The following CCDC7 variants were observed in gnomAD, a reference collection of about 807,000 sequenced individuals.
CCDC7 encodes coiled-coil domain containing 7.
CCDC7 carries 183 observed loss-of-function variants against 196.9 expected under a neutral mutation model. The observed-to-expected ratio is 0.93, with a 90% CI of 0.82 to 1.05. The LOEUF (loss-of-function observed/expected upper bound fraction) is 1.05. Among genes scored for constraint, CCDC7 ranks in the 50% least tolerant of loss-of-function variants. The pLI, the probability that CCDC7 is intolerant of heterozygous loss-of-function variation, is 0.00. For missense variants in CCDC7, 1,540 were observed against 1,482.2 expected, an observed-to-expected ratio of 1.04 and a Z score of -0.64; for synonymous variants, 525 against 484.6, an observed-to-expected ratio of 1.08 and a Z score of -1.10.
At chr10:32,666,777 G>T (rs1036674849) in intron 21 of CCDC7, among the ~76,000 whole-genome samples, 8 of 151,968 alleles carry the variant, frequency 5.3e-5, no homozygotes, top group Admixed American at 4.6e-4. Flanking sequence ...GTCTATCATT[G>T]TTGGACATTT....
chr10:32,739,205 C>T (rs535376798), intron 28 of CCDC7, among the ~76,000 whole-genome samples: 1 of 151,986 alleles, frequency 6.6e-6, no homozygotes, highest in South Asian at 2.1e-4. Flanking sequence ...AATTCTTAGC[C>T]ATTATTATTT....
intron 28 of CCDC7, among the ~76,000 whole-genome samples, chr10:32,737,426 G>A (rs1006751983): frequency 6.6e-6 from 1 of 152,064 alleles, no homozygotes; most frequent in Non-Finnish European, 1.5e-5. Context: ...ATTTGTTAAG[G>A]TTTGTCTTAT....
intron 24 of CCDC7, 93 bp downstream of exon 25, chr10:32,695,085 A>G (rs2077541179): frequency 5.5e-6 from 3 of 544,760 alleles, no homozygotes; most frequent in Non-Finnish European, 9.0e-6. Flanking sequence ...TTGAGCATAT[A>G]GTTTATGGAA....
chr10:32,490,227 C>T lies in CCDC7; in HGVS notation c.797-1695C>T, dbSNP rs116598387. Among the ~76,000 whole-genome samples, 1,307 of 152,220 alleles carry T rather than the reference C, an allele frequency of 8.6e-3. 28 individuals carry two copies. Among genetic ancestry groups the T allele is most frequent in the African/African-American group, 0.029 (1,208 of 41,542 alleles). The stretch of plus-strand genomic sequence containing the variant: ...AACTTCTTTGAGACTTTGAGCCCTA[C>T]CAAGGCCACTTTCATCCATGGATAG... On this transcript the variant is annotated intron_variant, in intron 8 of 41. Coordinates refer to ENST00000639629, the Ensembl canonical transcript of CCDC7.
intron 28 of CCDC7, among the ~76,000 whole-genome samples, chr10:32,772,664 A>G (rs1052277341): frequency 5.9e-5 from 9 of 152,228 alleles, no homozygotes; most frequent in African/African-American, 2.2e-4. Context: ...TCAGTAAGGA[A>G]TGGCTGCCCT....
At chr10:32,474,264 C>G (rs1471689238) in intron 8 of CCDC7, among the ~76,000 whole-genome samples, 2 of 134,056 alleles carry the variant, frequency 1.5e-5, no homozygotes, top group African/African-American at 5.6e-5. Context: ...TGCTCTGTTG[C>G]CCAGGCTGGA....
intron 29 of CCDC7, among the ~76,000 whole-genome samples, chr10:32,801,172 G>A (rs972162527): frequency 3.3e-5 from 5 of 152,190 alleles, no homozygotes; most frequent in Non-Finnish European, 5.9e-5. Context: ...GGATGCAGGT[G>A]CTGCCCACAC....
At chr10:32,517,861 GAAAAA>G (rs536555434) in intron 9 of CCDC7, 79 bp from the exon 11 acceptor site, 1 of 1,441,262 alleles carries the variant, frequency 6.9e-7, no homozygotes, top group Non-Finnish European at 9.3e-7. Context: ...AATACCAAAA[GAAAAA>G]AAAAGAAAAT....
chr10:32,801,544 C>T (rs1313861129), intron 29 of CCDC7, among the ~76,000 whole-genome samples: 4 of 152,158 alleles, frequency 2.6e-5, no homozygotes, highest in African/African-American at 7.2e-5. Context: ...CATGCATGTG[C>T]TCCAGATTTC....
At chr10:32,748,764 G>C (rs1374271555) in intron 28 of CCDC7, among the ~76,000 whole-genome samples, 1 of 152,094 alleles carries the variant, frequency 6.6e-6, no homozygotes, top group Admixed American at 6.6e-5. Flanking sequence ...CTTCATGTAG[G>C]CTTGTTAGGC....
At chr10:32,696,478 T>C (rs2077743527) in intron 24 of CCDC7, among the ~76,000 whole-genome samples, 1 of 147,590 alleles carries the variant, frequency 6.8e-6, no homozygotes, top group Non-Finnish European at 1.5e-5. Context: ...AGTCTTGTTT[T>C]CTGTTTTTTT....
At chr10:32,874,894 G>GTAGGT (rs1446332691) in intron 41 of CCDC7, among the ~76,000 whole-genome samples, 6 of 151,640 alleles carry the variant, frequency 4.0e-5, no homozygotes, top group South Asian at 4.1e-4. Flanking sequence ...AGAATTTTAT[G>GTAGGT]TAGGTTTTCT....
intron 11 of CCDC7, among the ~76,000 whole-genome samples, chr10:32,539,965 T>C (rs1313145803): frequency 6.6e-6 from 1 of 152,208 alleles, no homozygotes; most frequent in African/African-American, 2.4e-5. Context: ...TATGTCGTGA[T>C]GAGAAGAATG....
chr10:32,814,503 T>C (rs751638316), intron 31 of CCDC7, 50 bp downstream of exon 32: 13 of 1,333,140 alleles, frequency 9.8e-6, no homozygotes, highest in Non-Finnish European at 1.3e-5. Context: ...GTTTATATTC[T>C]CTGGAGTGTA....
intron 24 of CCDC7, among the ~76,000 whole-genome samples, chr10:32,700,402 C>A (rs1250315221): frequency 7.0e-6 from 1 of 142,520 alleles, no homozygotes; most frequent in African/African-American, 3.1e-5. Flanking sequence ...CTATTGTGTT[C>A]CATTGGTCTA....
At chr10:32,636,483 G>A (rs945913491) in intron 20 of CCDC7, among the ~76,000 whole-genome samples, 1 of 152,064 alleles carries the variant, frequency 6.6e-6, no homozygotes, top group Non-Finnish European at 1.5e-5. Flanking sequence ...GCGGTGTTTG[G>A]TTTTTTGTCC....
chr10:32,601,424 A>T (rs1188177635), intron 18 of CCDC7, among the ~76,000 whole-genome samples: 1 of 152,062 alleles, frequency 6.6e-6, no homozygotes, highest in Non-Finnish European at 1.5e-5. Flanking sequence ...TAAACTTTTG[A>T]CTGTTCTGCA....
chr10:32,568,004 G>GGGTT, intron 15 of CCDC7, 113 bp downstream of exon 16: 4 of 986,178 alleles, frequency 4.1e-6, no homozygotes, highest in Middle Eastern at 3.7e-4. Flanking sequence ...CTCTGTTTTT[G>GGGTT]GGTTTTTTTT....
At chr10:32,462,747 C>A in intron 4 of CCDC7, 44 bp downstream of exon 5, 1 of 1,432,234 alleles carries the variant, frequency 7.0e-7, no homozygotes, top group Non-Finnish European at 9.4e-7. Context: ...AAACTTAACA[C>A]AGAAATACAT....
Sources: allele counts gnomAD v4.1 joint callset (sites outside exome capture counted in the v4.1 genomes callset), GRCh38; gene constraint gnomAD v4.1.1; transcripts MANE v1.5; gene names NCBI Gene and HGNC (gene_info 2026-07-23, HGNC 2026-07-21).